AUTS2: variants seen among roughly 807,000 people sequenced by gnomAD.
AUTS2 encodes activator of transcription and developmental regulator AUTS2, also known as autism susceptibility gene 2 protein.
AUTS2 carries 17 observed loss-of-function variants against 112.4 expected under a neutral mutation model. The observed-to-expected ratio is 0.15, with a 90% CI of 0.10 to 0.23. The LOEUF (loss-of-function observed/expected upper bound fraction) is 0.23. AUTS2 is among the 10% of genes least tolerant of loss of function. AUTS2 has a pLI of 1.00. For missense variants in AUTS2, 1,510 were observed against 1,701.6 expected (o/e 0.89, Z 1.98); for synonymous variants, 751 against 702.7 (o/e 1.07, Z -1.09).
At chr7:70,472,871 T>C (rs563914147) in intron 5 of AUTS2, among the ~76,000 whole-genome samples, 2 of 152,318 alleles carry the variant, frequency 1.3e-5, no homozygotes, top group East Asian at 3.9e-4. Context: ...ATACCATCCT[T>C]GTGGAGCTCA....
chr7:69,923,960 G>T lies in AUTS2; in HGVS notation c.522+24462G>T, dbSNP rs148639408. Among the ~76,000 whole-genome samples the T allele has an allele frequency of 3.0e-3, 456 of 152,122 alleles. 2 individuals are homozygous for T. The highest frequency in any genetic ancestry group is 0.01 in the African/African-American group (424 of 41,500). The stretch of plus-strand genomic sequence containing the variant: ...TGTCTTTTTCTTGTCTGATTTCTCT[G>T]TCAGGAACTTACAGGATCATGTTTA... On this transcript the variant is annotated intron_variant, in intron 2 of 18. Coordinates refer to ENST00000342771, the MANE Select transcript of AUTS2 (RefSeq NM_015570.4).
intron 5 of AUTS2, among the ~76,000 whole-genome samples, chr7:70,474,816 C>T (rs538185737): frequency 6.6e-6 from 1 of 152,270 alleles, no homozygotes; most frequent in East Asian, 1.9e-4. Context: ...TGTGAAGGAC[C>T]AGGAAACAGA....
chr7:70,491,575 A>G (rs1204387018), intron 5 of AUTS2, among the ~76,000 whole-genome samples: 1 of 142,294 alleles, frequency 7.0e-6, no homozygotes, highest in Non-Finnish European at 1.5e-5. Flanking sequence ...ATGTGTATAT[A>G]TAATGTATAT....
chr7:70,322,865 T>G (rs1294052168), intron 4 of AUTS2, among the ~76,000 whole-genome samples: 1 of 152,158 alleles, frequency 6.6e-6, no homozygotes, highest in Non-Finnish European at 1.5e-5. Context: ...CCAGCTCCAC[T>G]TATGTCCAGA....
rs138855602 is a variant in AUTS2, at chr7:70,715,507, T to TTTTTCTTTTC, written c.742+16917_742+16926dup. On this transcript the variant is annotated intron_variant, in intron 6 of 18. Coordinates refer to ENST00000342771, the MANE Select transcript of AUTS2 (RefSeq NM_015570.4). ...GCACTTCCTGCATCCTGCCTGTCTT[T>TTTTTCTTTTC]TTTTCTTTTCTTTTCTTTTCTTTTC... Among the ~76,000 whole-genome samples the TTTTTCTTTTC allele has an allele frequency of 1.7e-3, 244 of 145,540 alleles. 1 individual carries two copies. The highest frequency in any genetic ancestry group is 9.3e-3 in the East Asian group (45 of 4,840).
chr7:70,241,586 C>T (rs1812616049), intron 4 of AUTS2, among the ~76,000 whole-genome samples: 1 of 152,148 alleles, frequency 6.6e-6, no homozygotes, highest in South Asian at 2.1e-4. Flanking sequence ...TCATCCCTAG[C>T]CCCTGTGGGA....
At chr7:70,660,265 G>C (rs1010528940) in intron 5 of AUTS2, among the ~76,000 whole-genome samples, 2 of 152,124 alleles carry the variant, frequency 1.3e-5, no homozygotes, top group African/African-American at 4.8e-5. Flanking sequence ...CAGTGTTGCA[G>C]TTCCTACCAC....
intron 4 of AUTS2, among the ~76,000 whole-genome samples, chr7:70,239,436 T>G (rs1415103651): frequency 2.0e-5 from 3 of 152,144 alleles, no homozygotes; most frequent in Non-Finnish European, 4.4e-5. Flanking sequence ...CAACCTAATT[T>G]TTTTTGTTTT....
chr7:70,382,685 G>A (rs759743179), intron 4 of AUTS2, among the ~76,000 whole-genome samples: 2 of 152,002 alleles, frequency 1.3e-5, no homozygotes, highest in East Asian at 1.9e-4. Flanking sequence ...GCCCCACTCC[G>A]TACTCATCAT....
chr7:69,983,543 G>T (rs888377675), intron 2 of AUTS2, among the ~76,000 whole-genome samples: 1 of 151,956 alleles, frequency 6.6e-6, no homozygotes, highest in Non-Finnish European at 1.5e-5. Context: ...TGAAGGTTAT[G>T]TGGGTATGAC....
rs67326941 is a variant in AUTS2, at chr7:70,712,193, C to CTTTTTTT, written c.742+13601_742+13607dup. On this transcript the variant is annotated intron_variant, in intron 6 of 18. Transcript: ENST00000342771. Reference sequence around the variant, plus strand: ...GGCACAAGCCACCATGCCTGGCTCACTTTTTTTTTTTTTTTTTTTTTTTTT... The same window carrying CTTTTTTT: ...GGCACAAGCCACCATGCCTGGCTCACTTTTTTTTTTTTTTTTTTTTTTTTTTTTTTTT... 3.8e-4 allele frequency among the ~76,000 whole-genome samples: 17 copies of CTTTTTTT among 45,178 alleles called. 3 individuals carry two copies. Among genetic ancestry groups the CTTTTTTT allele is most frequent in the African/African-American group, 1.4e-3 (14 of 10,194 alleles). 29.6% of individuals were successfully genotyped at this position (45,178 alleles called of 152,430 possible). A position where few individuals can be genotyped will look rare whatever the true frequency, so the allele number is the denominator to read the frequency against.
At chr7:70,418,300 T>A (rs1795076885) in intron 4 of AUTS2, among the ~76,000 whole-genome samples, 1 of 152,166 alleles carries the variant, frequency 6.6e-6, no homozygotes, top group African/African-American at 2.4e-5. Flanking sequence ...GTGACGATGC[T>A]AAGCATGTAT....
chr7:70,483,695 A>C (rs1009087651), intron 5 of AUTS2, among the ~76,000 whole-genome samples: 5 of 152,184 alleles, frequency 3.3e-5, no homozygotes, highest in African/African-American at 1.2e-4. Context: ...TTTATGGAGG[A>C]GAACGGCATT....
At chr7:70,084,994 T>C (rs139911300) in intron 2 of AUTS2, among the ~76,000 whole-genome samples, 5 of 152,232 alleles carry the variant, frequency 3.3e-5, no homozygotes, top group Non-Finnish European at 7.4e-5. Flanking sequence ...CACCTTGGCC[T>C]CCTGACTACC....
chr7:70,550,451 CT>C (rs902624595), intron 5 of AUTS2, among the ~76,000 whole-genome samples: 3 of 152,060 alleles, frequency 2.0e-5, no homozygotes, highest in African/African-American at 7.2e-5. Flanking sequence ...CTGAACAGTG[CT>C]TTTTTTGTGA....
chr7:69,603,784 T>C (rs1441953605), intron 1 of AUTS2, among the ~76,000 whole-genome samples: 3 of 152,192 alleles, frequency 2.0e-5, no homozygotes, highest in East Asian at 3.8e-4. Flanking sequence ...AGATAAGATG[T>C]CTAGTTTTCT....
At chr7:70,285,877 A>G (rs534357417) in intron 4 of AUTS2, among the ~76,000 whole-genome samples, 2 of 152,334 alleles carry the variant, frequency 1.3e-5, no homozygotes, top group Admixed American at 6.5e-5. Context: ...TAATGCTTAC[A>G]TCCCAGCAGG....
chr7:70,739,344 C>CT (rs1185801587), intron 6 of AUTS2, among the ~76,000 whole-genome samples: 5,089 of 135,050 alleles, frequency 0.038, 367 homozygotes, highest in African/African-American at 0.12. Context: ...CCTTTTTTTC[C>CT]TTTTTTTTTT....
chr7:70,732,659 T>A (rs1207701067), intron 6 of AUTS2, among the ~76,000 whole-genome samples: 1 of 152,200 alleles, frequency 6.6e-6, no homozygotes, highest in East Asian at 1.9e-4. Context: ...TCCTGATGAG[T>A]TGGCCCAGGC....
Sources: gnomAD v4.1 joint callset for allele counts (sites outside exome capture counted in the v4.1 genomes callset) on GRCh38, gnomAD v4.1.1 for gene constraint, MANE v1.5 for transcripts, NCBI Gene and HGNC (gene_info 2026-07-23, HGNC 2026-07-21) for gene names.